The following CADPS variants were observed in gnomAD, a reference collection of about 807,000 sequenced individuals.
The protein encoded by CADPS is calcium dependent secretion activator.
In CADPS, 57 loss-of-function variants were observed where a neutral mutation model predicts 167.3. That is an observed-to-expected ratio of 0.34 (90% CI 0.28 to 0.42). The LOEUF is 0.42. Ranked by LOEUF, CADPS falls within the 20% of genes least tolerant of loss-of-function variation. The pLI, the probability that CADPS is intolerant of heterozygous loss-of-function variation, is 1.00. For synonymous variants in CADPS, 676 were observed against 635.3 expected (o/e 1.06, Z -0.96); for missense variants, 1,414 against 1,738.1 (o/e 0.81, Z 3.32).
At chr3:62,464,057 CT>C (rs1036197756) in intron 26 of CADPS, among the ~76,000 whole-genome samples, 1 of 152,150 alleles carries the variant, frequency 6.6e-6, no homozygotes, top group African/African-American at 2.4e-5. Flanking sequence ...ATATTAGTTA[CT>C]TTTTAAAAAT....
intron 6 of CADPS, among the ~76,000 whole-genome samples, chr3:62,599,800 A>G (rs183309063): frequency 1.3e-4 from 4 of 31,274 alleles, no homozygotes; most frequent in Admixed American, 6.9e-4. Flanking sequence ...TATATATAAT[A>G]TATAATAAAT....
intron 10 of CADPS, among the ~76,000 whole-genome samples, chr3:62,554,253 A>C (rs1469836639): frequency 6.6e-6 from 1 of 152,196 alleles, no homozygotes; most frequent in African/African-American, 2.4e-5. Context: ...GCTTAAAAGG[A>C]GTAGCTTGTA....
At chr3:62,797,224 T>C (rs1300385152) in intron 1 of CADPS, among the ~76,000 whole-genome samples, 1 of 152,162 alleles carries the variant, frequency 6.6e-6, no homozygotes, top group East Asian at 1.9e-4. Context: ...CATTCTTTTC[T>C]TGAGGAATGG....
At chr3:62,569,059 C>T (rs893538538) in intron 9 of CADPS, among the ~76,000 whole-genome samples, 1 of 152,178 alleles carries the variant, frequency 6.6e-6, no homozygotes, top group African/African-American at 2.4e-5. Flanking sequence ...AAATGTACCA[C>T]AAGCTAAAAT....
At chr3:62,646,777 G>A (rs2068695709) in intron 5 of CADPS, among the ~76,000 whole-genome samples, 1 of 152,138 alleles carries the variant, frequency 6.6e-6, no homozygotes. Context: ...ATGAAAAACT[G>A]AATCAGAGTC....
chr3:62,532,087 T>C (rs1276046206), intron 13 of CADPS, among the ~76,000 whole-genome samples: 1 of 152,208 alleles, frequency 6.6e-6, no homozygotes, highest in Non-Finnish European at 1.5e-5. Context: ...TTCACCTAGC[T>C]TGCTTCAGCT....
intron 23 of CADPS, among the ~76,000 whole-genome samples, chr3:62,475,610 A>AC (rs2061215005): frequency 6.6e-6 from 1 of 150,758 alleles, no homozygotes; most frequent in Non-Finnish European, 1.5e-5. Context: ...AAAAAAAAAA[A>AC]AACACCTAAA....
chr3:62,786,682 CACAA>C (rs2092463999), intron 1 of CADPS, among the ~76,000 whole-genome samples: 1 of 152,044 alleles, frequency 6.6e-6, no homozygotes, highest in Admixed American at 6.6e-5. Flanking sequence ...CACACACACA[CACAA>C]ACATCTTCCT....
chr3:62,635,890 C>T (rs1172080792), intron 6 of CADPS, among the ~76,000 whole-genome samples: 3 of 152,090 alleles, frequency 2.0e-5, no homozygotes, highest in Admixed American at 1.3e-4. Flanking sequence ...TACATGTAAG[C>T]ATTATAAGAA....
chr3:62,443,611 A>C (rs1014943935), intron 27 of CADPS, among the ~76,000 whole-genome samples: 1 of 152,098 alleles, frequency 6.6e-6, no homozygotes, highest in Non-Finnish European at 1.5e-5. Context: ...GTGAGTTCTC[A>C]GGAGATGTCA....
chr3:62,496,746 C>T (rs1347227345), intron 18 of CADPS, among the ~76,000 whole-genome samples: 1 of 152,172 alleles, frequency 6.6e-6, no homozygotes, highest in African/African-American at 2.4e-5. Flanking sequence ...GCCTAAACTC[C>T]TGGACACCCT....
Position 62,874,888 on chromosome 3 carries a change from G to T in CADPS, c.142C>A (p.Leu48Met), listed in dbSNP as rs2083388380. The T allele has an allele frequency of 1.5e-6, 2 of 1,295,774 alleles. No homozygotes were observed. Among genetic ancestry groups the T allele is most frequent in the Non-Finnish European group, 2.0e-6 (2 of 1,015,324 alleles). The allele number at this position is 1,295,774 out of a possible 1,614,324, so 80.3% of individuals were successfully genotyped here. A position where few individuals can be genotyped will look rare whatever the true frequency, so the allele number is the denominator to read the frequency against. The part of the protein sequence containing the change: ...TSEGSAGSAG[L>M]GGGGAGAGAG... ...CCGGCGCCGGCGCCGCCGCCCCCCA[G>T]CCCGGCGCTGCCGGCCGAGCCCTCG... The change falls in exon 1 of 30, where the codon CTG becomes ATG. Residue 48 changes from leucine (L) to methionine (M), a missense_variant. Leu to Met is a conservative substitution (Grantham distance 15). Around this residue, in one of 6 missense-constraint regions of CADPS, gnomAD observed 522 missense variants for 559.5 expected, o/e 0.93. Transcript: ENST00000383710. The surrounding 1 kb of genome is among the most constrained non-coding windows in gnomAD (Gnocchi z 7.1).
At chr3:62,717,689 G>T (rs774809203) in intron 3 of CADPS, among the ~76,000 whole-genome samples, 16 of 151,970 alleles carry the variant, frequency 1.1e-4, no homozygotes, top group Non-Finnish European at 1.6e-4. Context: ...TTCCTACCTG[G>T]TCTCCCTACA....
At chr3:62,679,885 A>C (rs910969972) in intron 3 of CADPS, among the ~76,000 whole-genome samples, 3 of 152,042 alleles carry the variant, frequency 2.0e-5, no homozygotes, top group Non-Finnish European at 4.4e-5. Context: ...CTGAAGGTAA[A>C]AACTGGAAAA....
chr3:62,405,891 G>A (rs1241727993), intron 28 of CADPS, among the ~76,000 whole-genome samples: 1 of 152,156 alleles, frequency 6.6e-6, no homozygotes, highest in African/African-American at 2.4e-5. Context: ...CAAGGCATTT[G>A]GATGTCGGAA....
At chr3:62,756,918 G>A (rs1024411875) in intron 2 of CADPS, among the ~76,000 whole-genome samples, 1 of 152,124 alleles carries the variant, frequency 6.6e-6, no homozygotes, top group Admixed American at 6.6e-5. Flanking sequence ...TATTCAGGAG[G>A]AGGAGGGGAT....
rs920659533 is a variant in CADPS, at chr3:62,875,211, G to A, written c.-182C>T. On this transcript the variant is annotated 5_prime_UTR_variant, in exon 1 of 30. Transcript: ENST00000383710. ...ATCCTCTGCCCGGCGGTCGCGAGCT[G>A]GGCTCAGACCCAGAAGCGCGAAGGG... 87 of 764,486 alleles carry A rather than the reference G, an allele frequency of 1.1e-4. No individual in the cohort carries two copies. Among genetic ancestry groups the A allele is most frequent in the Non-Finnish European group, 1.5e-4 (84 of 559,646 alleles). The allele number at this position is 764,486 out of a possible 1,614,324, so 47.4% of individuals were successfully genotyped here. A position where few individuals can be genotyped will look rare whatever the true frequency, so the allele number is the denominator to read the frequency against.
intron 1 of CADPS, among the ~76,000 whole-genome samples, chr3:62,793,648 G>C (rs1016327284): frequency 1.3e-5 from 2 of 152,032 alleles, no homozygotes; most frequent in Non-Finnish European, 2.9e-5. Context: ...ACTTTTGGAG[G>C]GTAATTAATC....
chr3:62,657,192 T>C lies in CADPS; in HGVS notation c.969+5122A>G, dbSNP rs73842988. ...CAGAACTTTTCCATCAGATAAATAT[T>C]TGGATATTATTTCTTACTGATATTT... On this transcript the variant is annotated intron_variant, in intron 4 of 29. Transcript: ENST00000383710. 4.9e-3 allele frequency among the ~76,000 whole-genome samples: 741 copies of C among 152,272 alleles called. 6 individuals are homozygous for C. Among genetic ancestry groups the C allele is most frequent in the African/African-American group, 0.016 (679 of 41,562 alleles).
Sources: gnomAD v4.1 joint callset for allele counts (sites outside exome capture counted in the v4.1 genomes callset) on GRCh38, gnomAD v4.1.1 for gene constraint, gnomAD v4.1.1 regional missense constraint, Gnocchi (gnomAD v3.1) non-coding constraint, MANE v1.5 for transcripts, NCBI Gene and HGNC (gene_info 2026-07-23, HGNC 2026-07-21) for gene names.